The following CORO2A variants were observed in gnomAD, a reference collection of about 807,000 sequenced individuals.
CORO2A encodes coronin-2A.
CORO2A carries 47 observed loss-of-function variants against 62.4 expected under a neutral mutation model. The observed-to-expected ratio is 0.75, with a 90% CI of 0.60 to 0.96. CORO2A has a LOEUF of 0.96. Ranked by LOEUF, CORO2A falls within the 40% of genes least tolerant of loss-of-function variation. The pLI is 0.00. For missense variants in CORO2A, 610 were observed against 684.1 expected (o/e 0.89, Z 1.21); for synonymous variants, 273 against 268.9 (o/e 1.02, Z -0.15).
intron 1 of CORO2A, among the ~76,000 whole-genome samples, chr9:98,176,077 T>C (rs1307317888): frequency 1.3e-5 from 2 of 152,138 alleles, no homozygotes; most frequent in Non-Finnish European, 1.5e-5. Context: ...AAAGTGTTCA[T>C]GGTCCTTTAT....
chr9:98,152,328 C>T (rs1827737148), intron 2 of CORO2A, among the ~76,000 whole-genome samples: 1 of 152,158 alleles, frequency 6.6e-6, no homozygotes, highest in Admixed American at 6.5e-5. Flanking sequence ...GTCGCTTTGT[C>T]ACCTAGGCTG....
chr9:98,137,814 G>T, intron 2 of CORO2A, 126 bp from the exon 3 acceptor site: 1 of 739,026 alleles, frequency 1.4e-6, no homozygotes, highest in African/African-American at 1.7e-5. Context: ...TGTGAATCTA[G>T]GCCTTACTTC....
At chr9:98,190,639 A>G (rs1264248664) in intron 1 of CORO2A, among the ~76,000 whole-genome samples, 2 of 152,180 alleles carry the variant, frequency 1.3e-5, no homozygotes, top group African/African-American at 4.8e-5. Context: ...CCATGATTCC[A>G]TGGTGCATTT....
chr9:98,141,028 G>A (rs1329192660), intron 2 of CORO2A, among the ~76,000 whole-genome samples: 1 of 152,120 alleles, frequency 6.6e-6, no homozygotes. Flanking sequence ...CAGTATTTAG[G>A]GATGAAGGGC....
chr9:98,181,334 CTTTTTTTTTTTTT>C (rs575456152), intron 1 of CORO2A, among the ~76,000 whole-genome samples: 1 of 112,200 alleles, frequency 8.9e-6, no homozygotes, highest in Non-Finnish European at 1.8e-5. Context: ...CTCTCTCTTG[CTTTTTTTTTTTTT>C]TTTTTTTTTT....
intron 3 of CORO2A, among the ~76,000 whole-genome samples, chr9:98,136,128 G>A (rs963452245): frequency 4.6e-5 from 7 of 152,220 alleles, no homozygotes; most frequent in Non-Finnish European, 2.9e-5. Flanking sequence ...AGGGGCAGTG[G>A]CAGGCAATGA....
At chr9:98,129,212 G>A (rs774503703) in intron 8 of CORO2A, among the ~76,000 whole-genome samples, 3 of 152,078 alleles carry the variant, frequency 2.0e-5, no homozygotes, top group Non-Finnish European at 4.4e-5. Flanking sequence ...AACTTTTATA[G>A]GCAGTTTGCT....
intron 2 of CORO2A, among the ~76,000 whole-genome samples, chr9:98,156,101 A>C (rs918919746): frequency 6.1e-5 from 8 of 132,160 alleles, no homozygotes; most frequent in African/African-American, 2.3e-4. Flanking sequence ...CCCAGGCTGG[A>C]GTACAGTGTT....
At chr9:98,141,509 C>T (rs1014842376) in intron 2 of CORO2A, among the ~76,000 whole-genome samples, 7 of 152,140 alleles carry the variant, frequency 4.6e-5, no homozygotes, top group African/African-American at 1.4e-4. Context: ...CGTGCCACCA[C>T]ACCCAGCTAG....
In CORO2A at chr9:98,158,836, A is replaced by AACACACAC. The variant is rs34090994; in HGVS notation, c.1-1184_1-1177dup. 5.9e-3 allele frequency among the ~76,000 whole-genome samples: 887 copies of AACACACAC among 149,350 alleles called. 4 individuals carry two copies. The highest frequency in any genetic ancestry group is 0.043 in the East Asian group (214 of 4,982). On this transcript the variant is annotated intron_variant, in intron 1 of 11. Coordinates refer to ENST00000375077, the MANE Select transcript of CORO2A (RefSeq NM_052820.4). ...ATCAAAGAGAAATTAAAAAGAAGAA[A>AACACACAC]ACACACACACACACACACACACACC... is the stretch of plus-strand genomic sequence containing the variant.
At chr9:98,174,071 C>A (rs375732883) in intron 1 of CORO2A, among the ~76,000 whole-genome samples, 1 of 151,906 alleles carries the variant, frequency 6.6e-6, no homozygotes, top group East Asian at 1.9e-4. Context: ...TGCGCCATTG[C>A]ACTCCAGCCT....
chr9:98,181,568 G>A (rs1011145877), intron 1 of CORO2A, among the ~76,000 whole-genome samples: 12 of 151,802 alleles, frequency 7.9e-5, no homozygotes, highest in African/African-American at 2.2e-4. Context: ...CAGACCCCTC[G>A]GCGGCCATTG....
chr9:98,176,950 A>G (rs1036630311), intron 1 of CORO2A, among the ~76,000 whole-genome samples: 1 of 152,242 alleles, frequency 6.6e-6, no homozygotes, highest in South Asian at 2.1e-4. Context: ...ACCTGGATAC[A>G]GTACCAAACA....
At chr9:98,191,358 G>A (rs1004636963) in intron 1 of CORO2A, among the ~76,000 whole-genome samples, 2 of 152,226 alleles carry the variant, frequency 1.3e-5, no homozygotes, top group African/African-American at 2.4e-5. Flanking sequence ...GCCTGCTCCA[G>A]GGCAGACACC....
chr9:98,170,029 T>C (rs991496091), intron 1 of CORO2A, among the ~76,000 whole-genome samples: 10 of 152,184 alleles, frequency 6.6e-5, no homozygotes, highest in African/African-American at 2.4e-4. Context: ...TGGACCCCTA[T>C]TTGTCTCTGT....
intron 1 of CORO2A, among the ~76,000 whole-genome samples, chr9:98,182,189 T>C (rs1372959017): frequency 6.6e-6 from 1 of 152,232 alleles, no homozygotes; most frequent in African/African-American, 2.4e-5. Context: ...GTATCTCTAA[T>C]GCTTTACATA....
intron 2 of CORO2A, among the ~76,000 whole-genome samples, chr9:98,138,845 G>T (rs975474481): frequency 2.6e-5 from 4 of 151,836 alleles, no homozygotes; most frequent in African/African-American, 9.7e-5. Flanking sequence ...TCAGGAGATC[G>T]AGACCATCCT....
chr9:98,181,625 A>C (rs16913593), intron 1 of CORO2A, among the ~76,000 whole-genome samples: 2 of 151,944 alleles, frequency 1.3e-5, no homozygotes, highest in African/African-American at 4.8e-5. Flanking sequence ...AGCTGCACAC[A>C]TCACGGTGCT....
At position 98,154,352 on chromosome 9, in the gene CORO2A, T is replaced by TATATATAC. The variant is rs71369555; in HGVS notation, c.201+3107_201+3108insGTATATAT. Reference sequence around the variant, plus strand: ...GTGTATATATATATATATATATATATACACAAATACATATATATATATATT... The same window carrying TATATATAC: ...GTGTATATATATATATATATATATATATATATACACACAAATACATATATATATATATT... On this transcript the variant is annotated intron_variant, in intron 2 of 11. Coordinates refer to ENST00000375077, the MANE Select transcript of CORO2A (RefSeq NM_052820.4). Among the ~76,000 whole-genome samples the TATATATAC allele has an allele frequency of 1.9e-3, 175 of 94,038 alleles. 6 individuals are homozygous for TATATATAC. The highest frequency in any genetic ancestry group is 5.5e-3 in the South Asian group (15 of 2,710). The allele number at this position is 94,038 out of a possible 152,430, so 61.7% of individuals were successfully genotyped here.
Sources: allele counts gnomAD v4.1 joint callset (sites outside exome capture counted in the v4.1 genomes callset), GRCh38; gene constraint gnomAD v4.1.1; transcripts MANE v1.5; gene names NCBI Gene and HGNC (gene_info 2026-07-23, HGNC 2026-07-21).